The following RFPL1 variants were observed in gnomAD, a reference collection of about 807,000 sequenced individuals.
RFPL1 encodes the protein ret finger protein like 1.
RFPL1 carries 6 observed loss-of-function variants against 9.6 expected under a neutral mutation model. The ratio of observed to expected loss-of-function variants is 0.62; its 90% CI spans 0.34 to 1.23. RFPL1 has a LOEUF of 1.23. RFPL1 is among the 50% of genes most tolerant of loss of function. The probability of loss-of-function intolerance (pLI) is 0.03; values close to 1 mark genes in which losing one functional copy is unlikely to be tolerated. For synonymous variants in RFPL1, 145 were observed against 149.4 expected (o/e 0.97, Z 0.22); for missense variants, 352 against 398.4 (o/e 0.88, Z 0.99).
chr22:29,407,260 A>AT, the RFPL1 span, among the ~76,000 whole-genome samples: 68 of 147,982 alleles, frequency 4.6e-4, no homozygotes, highest in Non-Finnish European at 6.7e-4. Flanking sequence ...TACCAAGCTA[A>AT]TTTTTTTTTT....
the RFPL1 span, among the ~76,000 whole-genome samples, chr22:29,425,587 A>C: frequency 6.6e-6 from 1 of 152,256 alleles, no homozygotes; most frequent in Admixed American, 6.5e-5. Context: ...GCAAAAGCAC[A>C]AAATGACAAC....
chr22:29,439,022 T>C, exon 1 of RFPL1: 1 of 1,614,116 alleles, frequency 6.2e-7, no homozygotes, highest in Middle Eastern at 1.7e-4. Context: ...AGGATCTACT[T>C]TGCTGTTGCT....
At chr22:29,440,344 A>G (rs1412284165) in intron 1 of RFPL1, 2 of 152,138 alleles carry the variant, frequency 1.3e-5, no homozygotes, top group Non-Finnish European at 2.9e-5. Context: ...AATCTATAAA[A>G]TCTATATTGG....
chr22:29,411,844 G>A, the RFPL1 span, among the ~76,000 whole-genome samples: 1 of 152,102 alleles, frequency 6.6e-6, no homozygotes, highest in African/African-American at 2.4e-5. Flanking sequence ...ATATATTGGG[G>A]GTTTGTGTTA....
the RFPL1 span, among the ~76,000 whole-genome samples, chr22:29,402,936 T>G: frequency 7.7e-6 from 1 of 130,278 alleles, no homozygotes; most frequent in African/African-American, 3.3e-5. Flanking sequence ...GTCTGTGGGG[T>G]CGGCCATTGT....
chr22:29,396,394 C>T, the RFPL1 span, among the ~76,000 whole-genome samples: 3 of 152,194 alleles, frequency 2.0e-5, no homozygotes, highest in Non-Finnish European at 4.4e-5. Flanking sequence ...AGGCCCCCAC[C>T]AGATGCCGAG....
chr22:29,429,862 C>T, the RFPL1 span, among the ~76,000 whole-genome samples: 1 of 152,206 alleles, frequency 6.6e-6, no homozygotes, highest in Non-Finnish European at 1.5e-5. Context: ...TGAAATCCCA[C>T]TCTTTGCCTG....
At chr22:29,426,210 C>T in the RFPL1 span, among the ~76,000 whole-genome samples, 10 of 151,812 alleles carry the variant, frequency 6.6e-5, no homozygotes, top group African/African-American at 2.2e-4. Flanking sequence ...GTAATCCCAG[C>T]TATTTGGGAG....
the RFPL1 span, among the ~76,000 whole-genome samples, chr22:29,428,018 C>T: frequency 2.0e-5 from 3 of 152,290 alleles, no homozygotes; most frequent in Non-Finnish European, 2.9e-5. Flanking sequence ...TTACCACAAC[C>T]GGAGACATAG....
chr22:29,407,118 A>T, the RFPL1 span, among the ~76,000 whole-genome samples: 9 of 132,730 alleles, frequency 6.8e-5, no homozygotes, highest in East Asian at 2.5e-4. Context: ...TGTGTGTGTG[A>T]GAAAAGGTCT....
At chr22:29,405,862 C>A in the RFPL1 span, among the ~76,000 whole-genome samples, 1 of 152,180 alleles carries the variant, frequency 6.6e-6, no homozygotes, top group East Asian at 1.9e-4. Flanking sequence ...GTAATCCCAG[C>A]ACTTTGGGAG....
chr22:29,430,938 TA>T, the RFPL1 span, among the ~76,000 whole-genome samples: 1 of 152,232 alleles, frequency 6.6e-6, no homozygotes, highest in Non-Finnish European at 1.5e-5. Context: ...GTATCAATTT[TA>T]AAAACCCTTA....
the RFPL1 span, among the ~76,000 whole-genome samples, chr22:29,391,124 G>A: frequency 4.0e-5 from 6 of 151,718 alleles, no homozygotes; most frequent in Non-Finnish European, 7.4e-5. Context: ...CCTGGGCGAC[G>A]GAGTGAGACT....
At chr22:29,418,322 G>A in the RFPL1 span, among the ~76,000 whole-genome samples, 1,705 of 152,194 alleles carry the variant, frequency 0.011, 27 homozygotes, top group African/African-American at 0.038. Context: ...CTCTACACAC[G>A]ACCTGCTTTA....
At chr22:29,417,443 A>G in the RFPL1 span, among the ~76,000 whole-genome samples, 7 of 150,622 alleles carry the variant, frequency 4.6e-5, no homozygotes, top group African/African-American at 1.7e-4. Flanking sequence ...GGACGTCTGG[A>G]GCAGTGGGAG....
intron 1 of RFPL1, chr22:29,439,583 A>C (rs1409842842): frequency 1.1e-5 from 2 of 178,298 alleles, no homozygotes; most frequent in African/African-American, 4.8e-5. Flanking sequence ...GCAGTGAGCC[A>C]AGATTGCACC....
At chr22:29,407,817 T>A in the RFPL1 span, among the ~76,000 whole-genome samples, 1 of 152,250 alleles carries the variant, frequency 6.6e-6, no homozygotes, top group Non-Finnish European at 1.5e-5. Context: ...TTTATCAATG[T>A]TACTGATCTT....
At chr22:29,401,280 G>A in the RFPL1 span, among the ~76,000 whole-genome samples, 3 of 152,192 alleles carry the variant, frequency 2.0e-5, no homozygotes, top group Admixed American at 2.0e-4. Context: ...CATATTCTTA[G>A]TATGTAAATT....
chr22:29,411,017 T>A, the RFPL1 span, among the ~76,000 whole-genome samples: 1 of 152,110 alleles, frequency 6.6e-6, no homozygotes, highest in Non-Finnish European at 1.5e-5. Context: ...CCATCCTGGG[T>A]CATTACAGAG....
Sources: gnomAD v4.1 joint callset for allele counts (sites outside exome capture counted in the v4.1 genomes callset) on GRCh38, gnomAD v4.1.1 for gene constraint, MANE v1.5 for transcripts, NCBI Gene and HGNC (gene_info 2026-07-23, HGNC 2026-07-21) for gene names.